The following AGBL1 variants were observed in gnomAD, a reference collection of about 807,000 sequenced individuals.
AGBL1 encodes AGBL carboxypeptidase 1.
A neutral mutation model predicts 118.9 loss-of-function variants in AGBL1; 130 were observed. The observed-to-expected ratio is 1.09, with a 90% CI of 0.95 to 1.26. The LOEUF (loss-of-function observed/expected upper bound fraction) is 1.26. AGBL1 is among the 50% of genes most tolerant of loss of function. AGBL1 has a pLI of 0.00. For missense variants in AGBL1, 1,584 were observed against 1,298.1 expected (o/e 1.22, Z -3.38); for synonymous variants, 555 against 478.9 (o/e 1.16, Z -2.08).
chr15:86,761,911 G>A lies in AGBL1; in HGVS notation c.3158+87475G>A, dbSNP rs865971774. Reference sequence around the variant, plus strand: ...ATTTCATCATAAAATCTTTGCCCATGCCTATGTACTGAATGGTATTGCCTA... The same window carrying A: ...ATTTCATCATAAAATCTTTGCCCATACCTATGTACTGAATGGTATTGCCTA... On this transcript the variant is annotated intron_variant, in intron 22 of 22. Coordinates refer to ENST00000614907, the MANE Select transcript of AGBL1 (RefSeq NM_001386094.1). Among the ~76,000 whole-genome samples the A allele has an allele frequency of 6.6e-5, 10 of 152,034 alleles. No homozygotes were observed. The South Asian group carries it at 2.1e-3, about 31-fold the overall frequency.
At chr15:86,395,536 A>C (rs2081349630) in intron 17 of AGBL1, among the ~76,000 whole-genome samples, 3 of 152,104 alleles carry the variant, frequency 2.0e-5, no homozygotes, top group African/African-American at 7.2e-5. Flanking sequence ...TTAGAGAACA[A>C]GGACTATAAT....
At chr15:86,980,739 C>T (rs1596702933) in intron 23 of AGBL1, among the ~76,000 whole-genome samples, 1 of 152,062 alleles carries the variant, frequency 6.6e-6, no homozygotes, top group Middle Eastern at 3.4e-3. Flanking sequence ...ATATTGAGTT[C>T]TCATTCGTTT....
At chr15:86,459,152 C>T (rs987154185) in intron 18 of AGBL1, among the ~76,000 whole-genome samples, 19 of 152,244 alleles carry the variant, frequency 1.2e-4, no homozygotes, top group South Asian at 2.1e-4. Context: ...GCAGTAATCA[C>T]GTGAGTGTAA....
At chr15:86,945,244 TAAAAAAAAA>T (rs11326362) in intron 23 of AGBL1, among the ~76,000 whole-genome samples, 1 of 70,786 alleles carries the variant, frequency 1.4e-5, no homozygotes, top group Admixed American at 1.8e-4. Flanking sequence ...ACCCCATCAC[TAAAAAAAAA>T]AAAAAAAAAA....
intron 17 of AGBL1, among the ~76,000 whole-genome samples, chr15:86,303,938 AT>A (rs2079795656): frequency 6.6e-6 from 1 of 152,154 alleles, no homozygotes; most frequent in South Asian, 2.1e-4. Context: ...AGAAAGACAT[AT>A]AATAAGTAGG....
chr15:86,440,822 C>T (rs2082055349), intron 18 of AGBL1, among the ~76,000 whole-genome samples: 1 of 151,972 alleles, frequency 6.6e-6, no homozygotes, highest in Non-Finnish European at 1.5e-5. Flanking sequence ...GACAGTTGAA[C>T]CAAGGGAATA....
intron 24 of AGBL1, among the ~76,000 whole-genome samples, chr15:87,000,461 C>T (rs1437835495): frequency 4.3e-5 from 5 of 116,490 alleles, no homozygotes; most frequent in Non-Finnish European, 7.1e-5. Flanking sequence ...GCCAGTTTTC[C>T]CAGCACCATT....
intron 22 of AGBL1, among the ~76,000 whole-genome samples, chr15:86,738,599 C>T (rs369432359): frequency 8.5e-5 from 13 of 152,272 alleles, no homozygotes; most frequent in East Asian, 5.8e-4. Flanking sequence ...TCTCTTCATC[C>T]GTTACGCATT....
intron 21 of AGBL1, among the ~76,000 whole-genome samples, chr15:86,636,758 T>C (rs2437790): frequency 0.52 from 15,125 of 29,280 alleles, 3,739 homozygotes; most frequent in Middle Eastern, 0.69. Flanking sequence ...TATATATATA[T>C]ACACATACAT....
intron 18 of AGBL1, among the ~76,000 whole-genome samples, chr15:86,462,605 C>T (rs2082348002): frequency 6.6e-6 from 1 of 152,080 alleles, no homozygotes; most frequent in African/African-American, 2.4e-5. Flanking sequence ...TCCCAACAGG[C>T]CCTGGAGTGC....
At chr15:86,465,982 CA>C (rs2082400954) in intron 18 of AGBL1, among the ~76,000 whole-genome samples, 2 of 152,124 alleles carry the variant, frequency 1.3e-5, no homozygotes, top group African/African-American at 4.8e-5. Context: ...TTTTGTAGCT[CA>C]GGGGGCATCA....
chr15:86,357,802 T>A (rs1191145943), intron 17 of AGBL1, among the ~76,000 whole-genome samples: 1 of 152,138 alleles, frequency 6.6e-6, no homozygotes, highest in Non-Finnish European at 1.5e-5. Flanking sequence ...ATTTTAAAAT[T>A]AAAAAGTTGG....
chr15:86,215,380 T>G lies in AGBL1; in HGVS notation c.489-9534T>G, dbSNP rs181417614. ...TAAAGGTCCTCCTGCTTTATCCACC[T>G]GTTATTTGGCTAACTCCTTTGGTTC... On this transcript the variant is annotated intron_variant, in intron 5 of 22. Transcript: ENST00000614907. 1.6e-3 allele frequency among the ~76,000 whole-genome samples: 238 copies of G among 152,276 alleles called. 1 individual carries two copies. Among genetic ancestry groups the G allele is most frequent in the Non-Finnish European group, 1.3e-3 (86 of 68,034 alleles).
intron 22 of AGBL1, among the ~76,000 whole-genome samples, chr15:86,899,424 C>T (rs2080180885): frequency 6.6e-6 from 1 of 152,078 alleles, no homozygotes; most frequent in Admixed American, 6.6e-5. Flanking sequence ...GAAAAGAGAA[C>T]TATTGGGTAC....
chr15:86,727,344 G>A (rs148344235), intron 22 of AGBL1, among the ~76,000 whole-genome samples: 81 of 152,184 alleles, frequency 5.3e-4, no homozygotes, highest in African/African-American at 1.7e-3. Flanking sequence ...GAGATGTGAC[G>A]CGATCACACA....
intron 17 of AGBL1, among the ~76,000 whole-genome samples, chr15:86,349,744 T>C (rs1282974990): frequency 6.6e-6 from 1 of 152,172 alleles, no homozygotes; most frequent in Admixed American, 6.5e-5. Flanking sequence ...TTCCTTAAGT[T>C]TGAGATGTCT....
chr15:87,017,542 G>T (rs904252237), intron 24 of AGBL1, among the ~76,000 whole-genome samples: 1 of 152,116 alleles, frequency 6.6e-6, no homozygotes. Context: ...AATGGCAGCA[G>T]TCCTACAGAA....
At chr15:86,732,124 G>C (rs142566498) in intron 22 of AGBL1, among the ~76,000 whole-genome samples, 3 of 152,284 alleles carry the variant, frequency 2.0e-5, no homozygotes, top group African/African-American at 7.2e-5. Flanking sequence ...AAGAATTTGC[G>C]GACAGTAAAT....
chr15:86,451,392 G>A (rs1274628966), intron 18 of AGBL1, among the ~76,000 whole-genome samples: 1 of 152,174 alleles, frequency 6.6e-6, no homozygotes, highest in Non-Finnish European at 1.5e-5. Context: ...CATAAAAGTT[G>A]TTTAAAAGAA....
Sources: gnomAD v4.1 joint callset for allele counts (sites outside exome capture counted in the v4.1 genomes callset) on GRCh38, gnomAD v4.1.1 for gene constraint, MANE v1.5 for transcripts, NCBI Gene and HGNC (gene_info 2026-07-23, HGNC 2026-07-21) for gene names.